The following DLG2 variants were observed in gnomAD, a reference collection of about 807,000 sequenced individuals.
The protein encoded by DLG2 is discs large MAGUK scaffold protein 2.
DLG2 carries 45 observed loss-of-function variants against 132.5 expected under a neutral mutation model. The ratio of observed to expected loss-of-function variants is 0.34; its 90% CI spans 0.27 to 0.44. The LOEUF (loss-of-function observed/expected upper bound fraction) is 0.44, where lower values mean the gene tolerates loss of function less well. Among genes scored for constraint, DLG2 ranks in the 20% least tolerant of loss-of-function variants. The pLI is 1.00. For missense variants in DLG2, 1,045 were observed against 1,196.9 expected (o/e 0.87, Z 1.87); for synonymous variants, 424 against 419.6 (o/e 1.01, Z -0.13).
At chr11:84,289,114 T>G (rs754563118) in intron 7 of DLG2, among the ~76,000 whole-genome samples, 1 of 152,114 alleles carries the variant, frequency 6.6e-6, no homozygotes, top group Non-Finnish European at 1.5e-5. Flanking sequence ...CTTCCTTTCA[T>G]AATGAAAGGA....
chr11:84,790,467 T>C (rs1051867468), intron 6 of DLG2, among the ~76,000 whole-genome samples: 6 of 152,192 alleles, frequency 3.9e-5, no homozygotes, highest in African/African-American at 1.4e-4. Flanking sequence ...TTGAGCTCCT[T>C]ATATATTCAG....
chr11:83,643,280 T>C (rs1006516629), intron 18 of DLG2, among the ~76,000 whole-genome samples: 1 of 152,176 alleles, frequency 6.6e-6, no homozygotes, highest in Admixed American at 6.5e-5. Context: ...AAGGGCATCA[T>C]GCATGAGAGA....
chr11:85,184,331 T>A (rs1280813771), intron 4 of DLG2, among the ~76,000 whole-genome samples: 1 of 151,770 alleles, frequency 6.6e-6, no homozygotes, highest in Non-Finnish European at 1.5e-5. Flanking sequence ...GGATTTTTTT[T>A]TATAAAAGAG....
At chr11:83,733,367 T>A (rs1490934541) in intron 18 of DLG2, among the ~76,000 whole-genome samples, 6 of 151,418 alleles carry the variant, frequency 4.0e-5, no homozygotes, top group African/African-American at 1.5e-4. Context: ...TAACAAAATC[T>A]CTCCATACTG....
At chr11:85,447,132 C>T (rs1276426278) in intron 3 of DLG2, among the ~76,000 whole-genome samples, 2 of 152,128 alleles carry the variant, frequency 1.3e-5, no homozygotes, top group Non-Finnish European at 2.9e-5. Flanking sequence ...AGTTGTATAA[C>T]TAATCTTACA....
chr11:84,795,655 C>G (rs557123413), intron 6 of DLG2, among the ~76,000 whole-genome samples: 4 of 152,270 alleles, frequency 2.6e-5, no homozygotes, highest in African/African-American at 9.6e-5. Context: ...TGAAACACAT[C>G]CTTTGCCTGC....
intron 6 of DLG2, among the ~76,000 whole-genome samples, chr11:85,012,520 G>C (rs1422792865): frequency 6.6e-6 from 1 of 150,796 alleles, no homozygotes; most frequent in Non-Finnish European, 1.5e-5. Flanking sequence ...GCAAAACTCT[G>C]TCTCAAGAAA....
intron 6 of DLG2, among the ~76,000 whole-genome samples, chr11:85,074,396 A>T (rs2066257609): frequency 6.6e-6 from 1 of 151,878 alleles, no homozygotes; most frequent in Non-Finnish European, 1.5e-5. Flanking sequence ...ACAATCAGGA[A>T]GTAATGACCT....
chr11:83,849,800 G>A (rs754893351), intron 16 of DLG2, among the ~76,000 whole-genome samples: 4 of 148,434 alleles, frequency 2.7e-5, no homozygotes, highest in Non-Finnish European at 4.4e-5. Flanking sequence ...TTTATAACGC[G>A]AATTTCTTAT....
intron 6 of DLG2, among the ~76,000 whole-genome samples, chr11:84,718,711 T>C (rs1308102488): frequency 6.6e-6 from 1 of 152,220 alleles, no homozygotes; most frequent in Non-Finnish European, 1.5e-5. Flanking sequence ...GCAAGGATGC[T>C]ACTGTAAATG....
At chr11:85,557,840 A>G (rs905077143) in intron 3 of DLG2, among the ~76,000 whole-genome samples, 1 of 151,966 alleles carries the variant, frequency 6.6e-6, no homozygotes, top group Non-Finnish European at 1.5e-5. Flanking sequence ...TAAGACCTCA[A>G]ATTAGATAAA....
At chr11:84,785,459 T>A (rs1387953407) in intron 6 of DLG2, among the ~76,000 whole-genome samples, 1 of 152,116 alleles carries the variant, frequency 6.6e-6, no homozygotes, top group Non-Finnish European at 1.5e-5. Flanking sequence ...TGTCTTTTTA[T>A]GATGTTGTAA....
At chr11:84,878,326 G>C (rs2086729950) in intron 6 of DLG2, among the ~76,000 whole-genome samples, 1 of 152,188 alleles carries the variant, frequency 6.6e-6, no homozygotes, top group Admixed American at 6.5e-5. Flanking sequence ...ATCAATGATA[G>C]ACTGGATAAA....
At chr11:85,296,467 C>CTTTTTTTTTTTTTTTTTTTTTTTATTTTT (rs66526147) in intron 3 of DLG2, among the ~76,000 whole-genome samples, 1 of 121,554 alleles carries the variant, frequency 8.2e-6, no homozygotes, top group Non-Finnish European at 1.7e-5. Flanking sequence ...TTTCGATTTT[C>CTTTTTTTTTTTTTTTTTTTTTTTATTTTT]TTTTTTTTTT....
intron 18 of DLG2, among the ~76,000 whole-genome samples, chr11:83,769,941 G>A (rs2094315408): frequency 6.6e-6 from 1 of 152,088 alleles, no homozygotes; most frequent in Non-Finnish European, 1.5e-5. Context: ...TAAGTCTGTT[G>A]TCCTCTGGAA....
At chr11:84,578,038 GA>G (rs2099506899) in intron 6 of DLG2, among the ~76,000 whole-genome samples, 1 of 152,204 alleles carries the variant, frequency 6.6e-6, no homozygotes, top group South Asian at 2.1e-4. Context: ...CCAAGTCTTG[GA>G]AATTTCCATG....
At chr11:85,161,716 G>A (rs566003093) in intron 4 of DLG2, among the ~76,000 whole-genome samples, 29 of 152,152 alleles carry the variant, frequency 1.9e-4, no homozygotes, top group Non-Finnish European at 4.0e-4. Flanking sequence ...GTCTTACCAT[G>A]TTCCCCATCA....
At chr11:83,912,859 A>T (rs1342146168) in intron 15 of DLG2, among the ~76,000 whole-genome samples, 1 of 152,138 alleles carries the variant, frequency 6.6e-6, no homozygotes, top group Non-Finnish European at 1.5e-5. Flanking sequence ...GAGTGCTGGA[A>T]TTACACAGAT....
At chr11:84,780,851 G>A (rs1051564642) in intron 6 of DLG2, among the ~76,000 whole-genome samples, 1 of 151,792 alleles carries the variant, frequency 6.6e-6, no homozygotes, top group Non-Finnish European at 1.5e-5. Flanking sequence ...TGATTGTTTT[G>A]AATTCAGCTT....
Sources: gnomAD v4.1 joint callset for allele counts (sites outside exome capture counted in the v4.1 genomes callset) on GRCh38, gnomAD v4.1.1 for gene constraint, MANE v1.5 for transcripts, NCBI Gene and HGNC (gene_info 2026-07-23, HGNC 2026-07-21) for gene names.